The following MYO16 variants were observed in gnomAD, a reference collection of about 807,000 sequenced individuals.
MYO16 encodes unconventional myosin-XVI.
In MYO16, 94 loss-of-function variants were observed where a neutral mutation model predicts 205.3. The ratio of observed to expected loss-of-function variants is 0.46; its 90% confidence interval spans 0.39 to 0.54. The LOEUF (loss-of-function observed/expected upper bound fraction) is 0.54. MYO16 is among the 20% of genes least tolerant of loss of function. The pLI, the probability that MYO16 is intolerant of heterozygous loss-of-function variation, is 0.00. For synonymous variants in MYO16, 988 were observed against 954.0 expected, an observed-to-expected ratio of 1.04 and a Z score of -0.66; for missense variants, 2,315 against 2,387.5, an observed-to-expected ratio of 0.97 and a Z score of 0.63.
At chr13:108,821,521 G>A (rs959738453) in intron 8 of MYO16, among the ~76,000 whole-genome samples, 3 of 152,058 alleles carry the variant, frequency 2.0e-5, no homozygotes, top group Non-Finnish European at 4.4e-5. Context: ...TTTTAAAAAC[G>A]TGTTTACTGT....
chr13:108,861,155 T>C (rs1878432418), intron 11 of MYO16, among the ~76,000 whole-genome samples: 1 of 152,182 alleles, frequency 6.6e-6, no homozygotes, highest in Non-Finnish European at 1.5e-5. Context: ...CACACCCACG[T>C]AACCTGCAGC....
chr13:108,557,763 G>A, the MYO16 span, among the ~76,000 whole-genome samples: 543 of 152,158 alleles, frequency 3.6e-3, 3 homozygotes, highest in Admixed American at 5.8e-3. Flanking sequence ...TAGTTCAAAA[G>A]AAAGAATTGA....
intron 4 of MYO16, among the ~76,000 whole-genome samples, chr13:108,733,166 A>G (rs1884579192): frequency 6.6e-6 from 1 of 152,198 alleles, no homozygotes; most frequent in Non-Finnish European, 1.5e-5. Flanking sequence ...GGCATCGTCT[A>G]CCTAACAGCA....
the MYO16 span, among the ~76,000 whole-genome samples, chr13:108,510,447 TAACA>T: frequency 5.0e-5 from 6 of 120,864 alleles, no homozygotes; most frequent in East Asian, 2.8e-4. Flanking sequence ...TTTTTATATT[TAACA>T]TTGATAGCTG....
chr13:109,120,419 A>G lies in MYO16; in HGVS notation c.3488A>G (p.Asn1163Ser), dbSNP rs1321604114. The G allele has an allele frequency of 6.2e-7, 1 of 1,612,388 alleles. No individual in the cohort carries two copies. ...FLKYWHADQL[N>S]DLCLQLQRKI... is the part of the protein sequence containing the mutation. ...AAATACTGGCATGCTGACCAACTCA[A>G]TGATTTGTGCCTACAGTTGCAGAGA... Residue 1163 changes from asparagine (N) to serine (S), a missense_variant, in exon 29 of 35, where the codon AAT becomes AGT. This residue lies in a region of MYO16 where 1,097 missense variants were observed against 1,092.0 expected (regional missense o/e 1.00). Coordinates refer to ENST00000457511, the MANE Select transcript of MYO16 (RefSeq NM_001198950.3).
At position 109,055,769 on chromosome 13, in the gene MYO16, C is replaced by G; in HGVS notation, c.3335+174C>G. On this transcript the variant is annotated intron_variant, in intron 27 of 34. Coordinates refer to ENST00000457511, the MANE Select transcript of MYO16 (RefSeq NM_001198950.3). This position sits in a 1 kb window ranked among gnomAD's most constrained non-coding sequence, Gnocchi z 5.0. ...TCTGGGAAACAATGAAATACACTGA[C>G]AAAGCTCACATAAAAAATAATTAAA... 1.7e-6 allele frequency: 1 copy of G among 590,024 alleles called. No individual in the cohort carries two copies. The highest frequency in any genetic ancestry group is 2.2e-5 in the South Asian group (1 of 46,332). The allele number at this position is 590,024 out of a possible 1,614,324, so 36.5% of individuals were successfully genotyped here.
intron 1 of MYO16, among the ~76,000 whole-genome samples, chr13:108,602,959 G>A (rs971106355): frequency 5.3e-5 from 8 of 152,150 alleles, no homozygotes; most frequent in Admixed American, 6.6e-5. Context: ...CTGGAAAAAT[G>A]TCCAGTTTCC....
At chr13:108,860,001 G>A (rs1878375838) in intron 11 of MYO16, among the ~76,000 whole-genome samples, 1 of 152,024 alleles carries the variant, frequency 6.6e-6, no homozygotes, top group African/African-American at 2.4e-5. Flanking sequence ...GGTTAATGTA[G>A]CAGAGCCTCT....
At chr13:109,094,173 A>G (rs997314727) in intron 27 of MYO16, among the ~76,000 whole-genome samples, 2 of 152,146 alleles carry the variant, frequency 1.3e-5, no homozygotes, top group Non-Finnish European at 2.9e-5. Context: ...TTCCTGCTTT[A>G]TCTTTCTCCA....
At chr13:108,738,443 G>A (rs532150838) in intron 4 of MYO16, among the ~76,000 whole-genome samples, 49 of 152,168 alleles carry the variant, frequency 3.2e-4, no homozygotes, top group African/African-American at 1.0e-3. Context: ...GTAGTTGAGC[G>A]GTTTTGAGTG....
chr13:108,644,332 G>A (rs1011342), intron 1 of MYO16, among the ~76,000 whole-genome samples: 25,952 of 150,892 alleles, frequency 0.17, 2,785 homozygotes, highest in Non-Finnish European at 0.24. Context: ...AATGGTTGGA[G>A]CATTTATTCT....
chr13:108,939,050 T>G (rs1023796719), intron 16 of MYO16, among the ~76,000 whole-genome samples: 1 of 152,244 alleles, frequency 6.6e-6, no homozygotes, highest in Non-Finnish European at 1.5e-5. Flanking sequence ...CAGTTCTGGC[T>G]GTGGAGGCCT....
chr13:109,022,287 A>C (rs1459687088), intron 23 of MYO16, among the ~76,000 whole-genome samples: 3 of 128,174 alleles, frequency 2.3e-5, no homozygotes, highest in African/African-American at 9.2e-5. Context: ...ATATATACAA[A>C]TATAATATAC....
At chr13:108,965,878 G>A (rs183886531) in intron 20 of MYO16, among the ~76,000 whole-genome samples, 6 of 152,264 alleles carry the variant, frequency 3.9e-5, no homozygotes, top group Admixed American at 3.3e-4. Context: ...ACTTGTCTTC[G>A]AATGAAACCT....
intron 14 of MYO16, among the ~76,000 whole-genome samples, chr13:108,890,936 G>A (rs2068813): frequency 0.58 from 88,125 of 151,956 alleles, 25,703 homozygotes; most frequent in East Asian, 0.61. Context: ...AGCCTGGCCC[G>A]TGCAGTCTCA....
At position 109,055,103 on chromosome 13, in the gene MYO16, G is replaced by A; in HGVS notation, c.3106G>A (p.Val1036Ile). The change falls in exon 26 of 35, where the codon GTC becomes ATC. Residue 1036 changes from valine to isoleucine, a missense_variant. This residue lies in a region of MYO16 where 1,213 missense variants were observed against 1,274.4 expected (regional missense o/e 0.95). Coordinates refer to ENST00000457511, the MANE Select transcript of MYO16 (RefSeq NM_001198950.3). This position sits in a 1 kb window ranked among gnomAD's most constrained non-coding sequence, Gnocchi z 5.0. ...FLQRLERGDPVTIASQLRKSL... is the reference protein window; with the variant it reads ...FLQRLERGDPITIASQLRKSL... ...TCAAAGATTGGAACGAGGAGATCCAGTCACCATAGCATCACAACTCAGGGT... is the reference window on the plus strand; with the variant it reads ...TCAAAGATTGGAACGAGGAGATCCAATCACCATAGCATCACAACTCAGGGT... 1 of 1,588,296 alleles carries A rather than the reference G, an allele frequency of 6.3e-7. No individual in the cohort carries two copies. Among genetic ancestry groups the A allele is most frequent in the Non-Finnish European group, 8.5e-7 (1 of 1,170,510 alleles).
At chr13:108,810,561 A>AAAATTG in intron 7 of MYO16, among the ~76,000 whole-genome samples, 1 of 152,346 alleles carries the variant, frequency 6.6e-6, no homozygotes, top group South Asian at 2.1e-4. Flanking sequence ...ATTATTCTAA[A>AAAATTG]AAATTGTTCT....
chr13:108,567,106 A>AT, the MYO16 span, among the ~76,000 whole-genome samples: 2 of 152,300 alleles, frequency 1.3e-5, no homozygotes, highest in Non-Finnish European at 2.9e-5. Flanking sequence ...AACTGTAGGA[A>AT]TTTGTTTGCC....
intron 34 of MYO16, among the ~76,000 whole-genome samples, chr13:109,181,832 T>G (rs1438815705): frequency 7.0e-6 from 1 of 142,104 alleles, no homozygotes; most frequent in Non-Finnish European, 1.6e-5. Context: ...TTTTATTTTT[T>G]TTTTTGAGAC....
Sources: allele counts gnomAD v4.1 joint callset (sites outside exome capture counted in the v4.1 genomes callset), GRCh38; gene constraint gnomAD v4.1.1; regional missense constraint gnomAD v4.1.1; non-coding constraint Gnocchi (gnomAD v3.1); transcripts MANE v1.5; gene names NCBI Gene and HGNC (gene_info 2026-07-23, HGNC 2026-07-21).